Variants in SORCS2 observed in about 807,000 individuals in gnomAD.
SORCS2 encodes the protein VPS10 domain-containing receptor SorCS2.
In SORCS2, 100 loss-of-function variants were observed where a neutral mutation model predicts 141.6. That is an observed-to-expected ratio of 0.71 (90% CI 0.60 to 0.83). SORCS2 has a LOEUF of 0.83. Among genes scored for constraint, SORCS2 ranks in the 40% least tolerant of loss-of-function variants. The pLI is 0.00. For synonymous variants in SORCS2, 789 were observed against 676.9 expected, an observed-to-expected ratio of 1.17 and a Z score of -2.57; for missense variants, 1,646 against 1,560.2, an observed-to-expected ratio of 1.05 and a Z score of -0.93.
At chr4:7,366,758 G>A (rs1437654670) in intron 1 of SORCS2, among the ~76,000 whole-genome samples, 2 of 151,916 alleles carry the variant, frequency 1.3e-5, no homozygotes, top group African/African-American at 4.8e-5. Context: ...TGTGTTTCAT[G>A]TCTACCCCCC....
At chr4:7,348,388 A>G (rs1474841620) in intron 1 of SORCS2, among the ~76,000 whole-genome samples, 2 of 152,216 alleles carry the variant, frequency 1.3e-5, no homozygotes, top group African/African-American at 4.8e-5. Context: ...CACCGCTCTT[A>G]GAGGCTCTTT....
chr4:7,637,368 G>A lies in SORCS2; in HGVS notation c.649-960G>A, dbSNP rs934350701. 4.9e-4 allele frequency among the ~76,000 whole-genome samples: 74 copies of A among 152,340 alleles called. 1 individual carries two copies. Among genetic ancestry groups the A allele is most frequent in the African/African-American group, 1.8e-3 (73 of 41,588 alleles). On this transcript the variant is annotated intron_variant, in intron 3 of 26. Transcript: ENST00000507866. ...GGCTCAGCGTTCTCCTCTGCTGAAG[G>A]TAGTGGGCCCCACCCCGTCACTCTC... is the stretch of plus-strand genomic sequence containing the variant.
At chr4:7,261,404 T>C (rs2108823283) in intron 1 of SORCS2, among the ~76,000 whole-genome samples, 2 of 152,362 alleles carry the variant, frequency 1.3e-5, no homozygotes, top group South Asian at 4.1e-4. Context: ...GTAAATGTGC[T>C]GTTTGTCTGC....
At chr4:7,298,896 C>G (rs915351209) in intron 1 of SORCS2, among the ~76,000 whole-genome samples, 5 of 152,236 alleles carry the variant, frequency 3.3e-5, no homozygotes, top group Admixed American at 1.3e-4. Flanking sequence ...AAGCCCGCCT[C>G]CATTCAAACA....
chr4:7,612,740 C>T (rs142175039), intron 3 of SORCS2, among the ~76,000 whole-genome samples: 112 of 152,330 alleles, frequency 7.4e-4, no homozygotes, highest in African/African-American at 2.5e-3. Flanking sequence ...AATTCCAATC[C>T]ATGCACACTC....
At chr4:7,327,165 C>T (rs904681633) in intron 1 of SORCS2, among the ~76,000 whole-genome samples, 6 of 152,220 alleles carry the variant, frequency 3.9e-5, no homozygotes, top group African/African-American at 7.2e-5. Context: ...GAGCTGGGGG[C>T]GTCAAACAAC....
chr4:7,407,096 C>A (rs74845253), intron 2 of SORCS2, among the ~76,000 whole-genome samples: 3,916 of 152,074 alleles, frequency 0.026, 162 homozygotes, highest in African/African-American at 0.09. Flanking sequence ...TGTTTCGTGG[C>A]CTAAGATATG....
intron 2 of SORCS2, among the ~76,000 whole-genome samples, chr4:7,458,879 G>C (rs1316854359): frequency 6.6e-6 from 1 of 152,172 alleles, no homozygotes; most frequent in Non-Finnish European, 1.5e-5. Context: ...GCAGAAGTTG[G>C]CCTTTGGGAC....
chr4:7,423,715 G>C (rs979785987), intron 2 of SORCS2, among the ~76,000 whole-genome samples: 4 of 152,186 alleles, frequency 2.6e-5, no homozygotes, highest in African/African-American at 4.8e-5. Flanking sequence ...GGGAGACCCA[G>C]GCTGCCCCAC....
chr4:7,200,989 T>C (rs1035426221), intron 1 of SORCS2, among the ~76,000 whole-genome samples: 2 of 152,180 alleles, frequency 1.3e-5, no homozygotes, highest in Non-Finnish European at 2.9e-5. Flanking sequence ...TGCCTAGCGC[T>C]GTTAGCTGCT....
At chr4:7,725,582 G>A (rs1174965976) in intron 20 of SORCS2, among the ~76,000 whole-genome samples, 1 of 152,210 alleles carries the variant, frequency 6.6e-6, no homozygotes, top group Non-Finnish European at 1.5e-5. Flanking sequence ...ACAGAGGCAG[G>A]TAGGTGGGCT....
chr4:7,614,344 TCATC>T (rs1380141935), intron 3 of SORCS2, among the ~76,000 whole-genome samples: 3 of 143,164 alleles, frequency 2.1e-5, no homozygotes, highest in South Asian at 2.3e-4. Context: ...CATCTACTGT[TCATC>T]CATCCATCCA....
intron 1 of SORCS2, among the ~76,000 whole-genome samples, chr4:7,248,009 G>A (rs1401605928): frequency 6.6e-6 from 1 of 152,208 alleles, no homozygotes; most frequent in Non-Finnish European, 1.5e-5. Flanking sequence ...CCTGGGAAGG[G>A]GTGTCAAGGG....
chr4:7,641,223 TA>T (rs1413427989), intron 4 of SORCS2, among the ~76,000 whole-genome samples: 1 of 152,162 alleles, frequency 6.6e-6, no homozygotes, highest in African/African-American at 2.4e-5. Context: ...CTGATTAATT[TA>T]TGAAGAAAGA....
chr4:7,535,982 C>T (rs528328927), intron 3 of SORCS2, among the ~76,000 whole-genome samples: 8 of 152,228 alleles, frequency 5.3e-5, no homozygotes, highest in South Asian at 2.1e-4. Flanking sequence ...ACTAACAGGG[C>T]GGCATATGTT....
At chr4:7,586,300 C>T (rs554153426) in intron 3 of SORCS2, among the ~76,000 whole-genome samples, 1 of 152,278 alleles carries the variant, frequency 6.6e-6, no homozygotes, top group East Asian at 1.9e-4. Context: ...CTGCCTTTCA[C>T]TGCCCCCAAT....
At chr4:7,598,579 G>A (rs1016255469) in intron 3 of SORCS2, among the ~76,000 whole-genome samples, 13 of 152,184 alleles carry the variant, frequency 8.5e-5, no homozygotes, top group Non-Finnish European at 1.6e-4. Flanking sequence ...AAGGCATGGC[G>A]GCTGTGTGGG....
intron 1 of SORCS2, among the ~76,000 whole-genome samples, chr4:7,227,444 A>G (rs1403672913): frequency 6.6e-6 from 1 of 152,202 alleles, no homozygotes; most frequent in Non-Finnish European, 1.5e-5. Flanking sequence ...GAGCAGACGT[A>G]GCCCTCATCA....
At chr4:7,305,218 A>T (rs1169055747) in intron 1 of SORCS2, among the ~76,000 whole-genome samples, 4 of 151,906 alleles carry the variant, frequency 2.6e-5, no homozygotes, top group African/African-American at 9.7e-5. Flanking sequence ...TTTTTAGTAG[A>T]GATGGGGTTT....
Sources: gnomAD v4.1 joint callset for allele counts (sites outside exome capture counted in the v4.1 genomes callset) on GRCh38, gnomAD v4.1.1 for gene constraint, MANE v1.5 for transcripts, NCBI Gene and HGNC (gene_info 2026-07-23, HGNC 2026-07-21) for gene names.